The following CDIN1 variants were observed in gnomAD, a reference collection of about 807,000 sequenced individuals.
CDIN1 encodes the protein CDAN1 interacting nuclease 1.
Under a neutral mutation model 45.3 loss-of-function variants are expected in CDIN1, and 33 were observed. That is an observed-to-expected ratio of 0.73 (90% confidence interval 0.55 to 0.97). The LOEUF (loss-of-function observed/expected upper bound fraction) is 0.97, where lower values mean the gene tolerates loss of function less well. Ranked by LOEUF, CDIN1 falls within the 50% of genes least tolerant of loss-of-function variation. The pLI, the probability that CDIN1 is intolerant of heterozygous loss-of-function variation, is 0.00. For synonymous variants in CDIN1, 118 were observed against 124.4 expected (o/e 0.95, Z 0.34); for missense variants, 303 against 339.4 (o/e 0.89, Z 0.84).
At chr15:36,788,750 T>C (rs1247457230) in intron 10 of CDIN1, among the ~76,000 whole-genome samples, 5 of 152,160 alleles carry the variant, frequency 3.3e-5, no homozygotes, top group African/African-American at 1.2e-4. Context: ...GTTTACAAGA[T>C]AAGATGCAAA....
intron 3 of CDIN1, chr15:36,647,531 C>T (rs1278203114): frequency 6.6e-6 from 1 of 152,198 alleles, no homozygotes; most frequent in Non-Finnish European, 1.5e-5. Context: ...ACTTTACCAA[C>T]CTGCTGTCTG....
intron 1 of CDIN1, among the ~76,000 whole-genome samples, chr15:36,630,739 G>T (rs1348799455): frequency 1.3e-5 from 2 of 152,170 alleles, no homozygotes; most frequent in Non-Finnish European, 2.9e-5. Context: ...TCTGCTTCTG[G>T]TGAGGGCTTC....
intron 1 of CDIN1, among the ~76,000 whole-genome samples, chr15:36,593,234 C>T (rs1444416411): frequency 6.6e-6 from 1 of 152,152 alleles, no homozygotes; most frequent in Admixed American, 6.5e-5. Flanking sequence ...AATATTTTGC[C>T]TAAAACCACC....
chr15:36,656,319 C>A (rs1296582849), intron 4 of CDIN1, among the ~76,000 whole-genome samples: 1 of 152,094 alleles, frequency 6.6e-6, no homozygotes, highest in Non-Finnish European at 1.5e-5. Context: ...CAGGGTGCAG[C>A]AACTCTCTTA....
chr15:36,802,996 C>T (rs2055099955), intron 10 of CDIN1, among the ~76,000 whole-genome samples: 1 of 151,846 alleles, frequency 6.6e-6, no homozygotes, highest in Admixed American at 6.6e-5. Context: ...CTGCACTGTC[C>T]TCAACACCTG....
chr15:36,802,199 A>G (rs1466395522), intron 10 of CDIN1, among the ~76,000 whole-genome samples: 1 of 152,196 alleles, frequency 6.6e-6, no homozygotes, highest in African/African-American at 2.4e-5. Flanking sequence ...TAAAATGAGG[A>G]TAGTCATAGT....
At chr15:36,665,924 T>C (rs2041231822) in intron 5 of CDIN1, among the ~76,000 whole-genome samples, 1 of 152,200 alleles carries the variant, frequency 6.6e-6, no homozygotes, top group African/African-American at 2.4e-5. Context: ...TTTTAGTTTA[T>C]ATTTCTCATT....
At chr15:36,620,365 T>A (rs551261914) in intron 1 of CDIN1, among the ~76,000 whole-genome samples, 16 of 151,826 alleles carry the variant, frequency 1.1e-4, no homozygotes, top group Admixed American at 9.2e-4. Flanking sequence ...AAAATAAAAA[T>A]AAAATAAAAA....
intron 10 of CDIN1, among the ~76,000 whole-genome samples, chr15:36,730,757 T>A: frequency 6.6e-6 from 1 of 152,128 alleles, no homozygotes; most frequent in African/African-American, 2.4e-5. Context: ...AACTAAACTT[T>A]AGCACTCATT....
chr15:36,603,266 T>C (rs575448555), intron 1 of CDIN1, among the ~76,000 whole-genome samples: 13 of 152,328 alleles, frequency 8.5e-5, no homozygotes, highest in Admixed American at 8.5e-4. Context: ...TCCCTTTAAC[T>C]AACCTGTTTC....
chr15:36,744,268 C>T (rs1333101825), intron 10 of CDIN1, among the ~76,000 whole-genome samples: 3 of 152,190 alleles, frequency 2.0e-5, no homozygotes, highest in Admixed American at 6.5e-5. Flanking sequence ...CCTGGTTTCT[C>T]CATAGGGGAG....
intron 1 of CDIN1, among the ~76,000 whole-genome samples, chr15:36,584,680 C>T (rs2037209494): frequency 1.3e-5 from 2 of 152,048 alleles, no homozygotes; most frequent in African/African-American, 4.8e-5. Flanking sequence ...GCCATCCCAG[C>T]ACGGGACACG....
chr15:36,677,199 T>C (rs1396079856), intron 5 of CDIN1, among the ~76,000 whole-genome samples: 2 of 152,152 alleles, frequency 1.3e-5, no homozygotes, highest in Non-Finnish European at 2.9e-5. Context: ...CCAAATACCC[T>C]GACAAAAACA....
At chr15:36,698,924 G>A (rs1595487827) in intron 8 of CDIN1, among the ~76,000 whole-genome samples, 4 of 152,288 alleles carry the variant, frequency 2.6e-5, no homozygotes, top group East Asian at 1.9e-4. Flanking sequence ...GAACTTGAAC[G>A]TGTTAAATTA....
intron 10 of CDIN1, among the ~76,000 whole-genome samples, chr15:36,771,527 G>A (rs1326105477): frequency 6.6e-6 from 1 of 152,212 alleles, no homozygotes; most frequent in East Asian, 1.9e-4. Flanking sequence ...CATAGCTCTA[G>A]AAGGAGGCTC....
rs1297540574 is a variant in CDIN1 at position 36,808,831 on chromosome 15, CCT to C, written c.*381_*382del. 5 of 456,378 alleles carry C rather than the reference CCT, an allele frequency of 1.1e-5. No homozygotes were observed. In the East Asian group the frequency reaches 2.7e-4, roughly 25 times the overall value. The allele number at this position is 456,378 out of a possible 1,614,324, so 28.3% of individuals were successfully genotyped here. A position where few individuals can be genotyped will look rare whatever the true frequency, so the allele number is the denominator to read the frequency against. ...ATTCTCCTCCCAGTTACCGAATCAC[CCT>C]CTTATTTTTTTTTCCCTAAGCCTCC... On this transcript the variant is annotated 3_prime_UTR_variant, in exon 11 of 11. Coordinates refer to ENST00000566621, the MANE Select transcript of CDIN1 (RefSeq NM_001321759.2).
chr15:36,786,564 T>G (rs1157839960), intron 10 of CDIN1, among the ~76,000 whole-genome samples: 1 of 152,212 alleles, frequency 6.6e-6, no homozygotes. Context: ...GTCAACTGTT[T>G]TATGACACAC....
intron 1 of CDIN1, among the ~76,000 whole-genome samples, chr15:36,610,277 T>G (rs1322811396): frequency 6.6e-6 from 1 of 152,218 alleles, no homozygotes. Flanking sequence ...CAAATTGTGG[T>G]GTTGTAGAGA....
intron 5 of CDIN1, among the ~76,000 whole-genome samples, chr15:36,679,256 T>A (rs1310121569): frequency 6.6e-6 from 1 of 152,210 alleles, no homozygotes; most frequent in Non-Finnish European, 1.5e-5. Flanking sequence ...TTGAATAGAT[T>A]GACTTCTGGC....
Sources: allele counts gnomAD v4.1 joint callset (sites outside exome capture counted in the v4.1 genomes callset), GRCh38; gene constraint gnomAD v4.1.1; transcripts MANE v1.5; gene names NCBI Gene and HGNC (gene_info 2026-07-23, HGNC 2026-07-21).